ACSL5: variants seen among roughly 807,000 people sequenced by gnomAD.
ACSL5 encodes acyl-CoA synthetase long chain family member 5.
ACSL5 carries 50 observed loss-of-function variants against 84.9 expected under a neutral mutation model. The observed-to-expected ratio is 0.59, with a 90% CI of 0.47 to 0.75. The LOEUF is 0.75. Among genes scored for constraint, ACSL5 ranks in the 30% least tolerant of loss-of-function variants. The pLI, the probability that ACSL5 is intolerant of heterozygous loss-of-function variation, is 0.00. For missense variants in ACSL5, 775 were observed against 830.4 expected, an observed-to-expected ratio of 0.93 and a Z score of 0.82; for synonymous variants, 280 against 300.7, an observed-to-expected ratio of 0.93 and a Z score of 0.71.
At chr10:112,427,014 G>A (rs184907357) in intron 20 of ACSL5, among the ~76,000 whole-genome samples, 155 bp downstream of exon 20, 56 of 152,164 alleles carry the variant, frequency 3.7e-4, no homozygotes, top group Admixed American at 9.2e-4. Flanking sequence ...CTTGTACAGC[G>A]CCCTTTTTTT....
intron 7 of ACSL5, 82 bp downstream of exon 7, chr10:112,409,767 AGT>A (rs1291902138): frequency 1.4e-6 from 2 of 1,420,170 alleles, no homozygotes; most frequent in Non-Finnish European, 2.0e-6. Context: ...CCAAGAGGAC[AGT>A]GTTCTTGTTC....
intron 5 of ACSL5, among the ~76,000 whole-genome samples, chr10:112,405,452 T>C (rs553353504): frequency 6.6e-6 from 1 of 152,306 alleles, no homozygotes; most frequent in East Asian, 1.9e-4. Flanking sequence ...TAGTTAAGTT[T>C]TGGGGGAGTT....
chr10:112,410,429 A>G (rs1844151482), intron 7 of ACSL5, 34 bp from the exon 8 acceptor site: 9 of 1,613,524 alleles, frequency 5.6e-6, no homozygotes, highest in Non-Finnish European at 5.9e-6. Flanking sequence ...CATCTCAACT[A>G]ATGTCTTTCT....
Position 112,418,434 on chromosome 10 carries a change from T to G in ACSL5, c.1314+493T>G, listed in dbSNP as rs537609884. 3.9e-5 allele frequency among the ~76,000 whole-genome samples: 6 copies of G among 152,090 alleles called. No individual in the cohort carries two copies. In the East Asian group the frequency reaches 1.2e-3, roughly 29 times the overall value. On this transcript the variant is annotated intron_variant, in intron 14 of 20. Transcript: ENST00000354655. Reference sequence around the variant, plus strand: ...GTCTCTACTAAAAATACAAAAAAATTAGCTGGGCGTGGTGGTGGGCGCCTG... The same window carrying G: ...GTCTCTACTAAAAATACAAAAAAATGAGCTGGGCGTGGTGGTGGGCGCCTG...
At chr10:112,407,103 A>G (rs1037247755) in intron 5 of ACSL5, among the ~76,000 whole-genome samples, 2 of 152,238 alleles carry the variant, frequency 1.3e-5, no homozygotes, top group Non-Finnish European at 2.9e-5. Flanking sequence ...CTTATTTACT[A>G]TCATGAGAAT....
At chr10:112,401,732 A>G (rs1381974141) in intron 3 of ACSL5, among the ~76,000 whole-genome samples, 2 of 152,216 alleles carry the variant, frequency 1.3e-5, no homozygotes, top group Non-Finnish European at 2.9e-5. Flanking sequence ...AAGATGCAGT[A>G]TAATTCCTTC....
chr10:112,426,705 G>A (rs768439915), intron 19 of ACSL5, 83 bp from the exon 20 acceptor site: 152 of 1,221,892 alleles, frequency 1.2e-4, no homozygotes, highest in Non-Finnish European at 1.8e-4. Context: ...GCATGGCTTT[G>A]ACAGGCACTT....
At chr10:112,383,812 C>CTT (rs11484417) in intron 1 of ACSL5, among the ~76,000 whole-genome samples, 73,433 of 150,876 alleles carry the variant, frequency 0.49, 17,919 homozygotes, top group South Asian at 0.58. Context: ...TCATTTTATT[C>CTT]TTTTTTTTTG....
chr10:112,385,420 A>G (rs1849429908), intron 1 of ACSL5, among the ~76,000 whole-genome samples: 1 of 152,218 alleles, frequency 6.6e-6, no homozygotes, highest in Non-Finnish European at 1.5e-5. Flanking sequence ...GAAAGGGCAT[A>G]CATTTTATGA....
At position 112,398,900 on chromosome 10, in the gene ACSL5, G is replaced by T. The variant is rs776759528; in HGVS notation, c.157-1G>T. On this transcript the variant is annotated splice_acceptor_variant, in intron 2 of 20. Transcript: ENST00000354655. LOFTEE classifies it high-confidence loss of function. ...GGCCTAAACTTGGTCTTGTGTCTTA[G>T]GGAGGAGCACGGAAGGGGGTTTCCC... 6.2e-7 allele frequency: 1 copy of T among 1,613,878 alleles called. No individual in the cohort carries two copies. The highest frequency in any genetic ancestry group is 1.1e-5 in the South Asian group (1 of 91,076).
chr10:112,375,136 G>C (rs938944543), intron 1 of ACSL5: 1 of 152,158 alleles, frequency 6.6e-6, no homozygotes, highest in Non-Finnish European at 1.5e-5. Flanking sequence ...AGGGCTCAGA[G>C]GTATTAGTGT....
In ACSL5 at chr10:112,404,557, A is replaced by G; in HGVS notation, c.312A>G (p.Arg104=). 2 of 1,613,692 alleles carry G rather than the reference A, an allele frequency of 1.2e-6. No individual in the cohort carries two copies. Among genetic ancestry groups the G allele is most frequent in the African/African-American group, 1.3e-5 (1 of 75,028 alleles). The part of the protein sequence containing the change: ...LGYRKPNQPY[R]WLSYKQVSDR... ...ATAGAAAACCAAACCAGCCCTACAGATGGCTATCTTACAAACAGGTAAGTT... is the reference window on the plus strand; with the variant it reads ...ATAGAAAACCAAACCAGCCCTACAGGTGGCTATCTTACAAACAGGTAAGTT... Residue 104 remains arginine, a synonymous_variant, in exon 4 of 21, where the codon AGA becomes AGG. Coordinates refer to ENST00000354655, the MANE Select transcript of ACSL5 (RefSeq NM_203379.2).
intron 1 of ACSL5, among the ~76,000 whole-genome samples, chr10:112,391,615 C>G (rs948215929): frequency 1.3e-5 from 2 of 152,172 alleles, no homozygotes; most frequent in African/African-American, 2.4e-5. Flanking sequence ...TGGTCAGTCT[C>G]GTTCTGTTTG....
At chr10:112,382,648 G>A (rs1849372771) in intron 1 of ACSL5, among the ~76,000 whole-genome samples, 1 of 152,160 alleles carries the variant, frequency 6.6e-6, no homozygotes, top group South Asian at 2.1e-4. Flanking sequence ...GATTTTACCA[G>A]TGGAGCTGCA....
At chr10:112,408,604 T>G (rs915587714) in intron 6 of ACSL5, 83 bp downstream of exon 6, 5 of 1,067,646 alleles carry the variant, frequency 4.7e-6, no homozygotes, top group Middle Eastern at 2.2e-4. Context: ...GTTTATTTGT[T>G]TGTTTGTTTA....
rs765373417 is a variant in ACSL5 at position 112,408,449 on chromosome 10, A to G, written c.460A>G (p.Thr154Ala). The G allele has an allele frequency of 6.2e-7, 1 of 1,613,578 alleles. No individual in the cohort carries two copies. Among genetic ancestry groups the G allele is most frequent in the South Asian group, 1.1e-5 (1 of 91,060 alleles). The change falls in exon 6 of 21, where the codon ACG becomes GCG. Residue 154 changes from threonine to alanine, a missense_variant. Physicochemically the swap from Thr to Ala is moderately conservative, Grantham distance 58 (BLOSUM62 0). Transcript: ENST00000354655. The part of the protein sequence containing the change: ...EWIISELACY[T>A]YSMVAVPLYD... The stretch of plus-strand genomic sequence containing the variant: ...GATCATCTCCGAATTGGCTTGTTAC[A>G]CGTACTCTATGGTAGCTGTACCTCT...
intron 11 of ACSL5, chr10:112,412,518 G>C (rs944510561): frequency 6.5e-6 from 1 of 152,954 alleles, no homozygotes; most frequent in Non-Finnish European, 1.5e-5. Context: ...GGCTTTTCAG[G>C]CTATTTTGAG....
At chr10:112,418,601 A>T (rs1489303429) in intron 14 of ACSL5, among the ~76,000 whole-genome samples, 2 of 152,070 alleles carry the variant, frequency 1.3e-5, no homozygotes, top group East Asian at 3.9e-4. Context: ...AAAATAAAAA[A>T]AATACTTGAC....
At chr10:112,421,811 C>T (rs923482388) in intron 15 of ACSL5, 136 bp from the exon 16 acceptor site, 4 of 1,275,098 alleles carry the variant, frequency 3.1e-6, no homozygotes, top group Middle Eastern at 1.9e-4. Flanking sequence ...GCCTGCCTAT[C>T]TTGGCTAGTC....
Sources: gnomAD v4.1 joint callset for allele counts (sites outside exome capture counted in the v4.1 genomes callset) on GRCh38, gnomAD v4.1.1 for gene constraint, MANE v1.5 for transcripts, NCBI Gene and HGNC (gene_info 2026-07-23, HGNC 2026-07-21) for gene names.